LTF: variants seen among roughly 807,000 people sequenced by gnomAD.
LTF encodes the protein lactotransferrin.
Under a neutral mutation model 87.2 loss-of-function variants are expected in LTF, and 91 were observed. The ratio of observed to expected loss-of-function variants is 1.04; its 90% CI spans 0.88 to 1.24. LTF has a LOEUF of 1.24. Ranked by LOEUF, LTF falls within the 50% of genes most tolerant of loss-of-function variation. The pLI is 0.00. For synonymous variants in LTF, 378 were observed against 356.1 expected (o/e 1.06, Z -0.69); for missense variants, 901 against 904.3 (o/e 1.00, Z 0.05).
At chr3:46,471,811 CA>C (rs1471946289) in intron 1 of LTF, among the ~76,000 whole-genome samples, 1 of 152,200 alleles carries the variant, frequency 6.6e-6, no homozygotes, top group East Asian at 1.9e-4. Flanking sequence ...CCTACAGCCC[CA>C]TCAGCTTCTA....
intron 1 of LTF, chr3:46,460,656 G>C: frequency 2.2e-6 from 1 of 450,398 alleles, no homozygotes; most frequent in South Asian, 1.6e-5. Context: ...CTAAGATCAG[G>C]AATGATGAGA....
chr3:46,437,880 C>G (rs1307087513), intron 16 of LTF, 60 bp downstream of exon 16: 2 of 1,444,522 alleles, frequency 1.4e-6, no homozygotes, highest in African/African-American at 2.9e-5. Flanking sequence ...CTGTTTGGCC[C>G]TCAAACCTTG....
intron 2 of LTF, 68 bp from the exon 3 acceptor site, chr3:46,456,466 G>T: frequency 7.5e-7 from 1 of 1,324,772 alleles, no homozygotes; most frequent in Non-Finnish European, 1.1e-6. Flanking sequence ...GGGACTTCAG[G>T]ACCTCAAAAA....
At chr3:46,464,790 T>C in intron 1 of LTF, 35 bp downstream of exon 1, 2 of 1,611,952 alleles carry the variant, frequency 1.2e-6, no homozygotes, top group East Asian at 4.5e-5. Flanking sequence ...GAGACGCCCA[T>C]CAGGCGGCTC....
intron 10 of LTF, among the ~76,000 whole-genome samples, chr3:46,446,951 G>A (rs1243680310): frequency 6.6e-6 from 1 of 152,336 alleles, no homozygotes. Flanking sequence ...CGGGGGACAG[G>A]AGGACATAAG....
intron 1 of LTF, among the ~76,000 whole-genome samples, chr3:46,475,927 T>C (rs980322688): frequency 1.3e-5 from 2 of 152,250 alleles, no homozygotes; most frequent in African/African-American, 4.8e-5. Flanking sequence ...CTGAATTTTA[T>C]ATAAATGGAA....
chr3:46,449,377 C>G (rs1411259059), intron 8 of LTF, among the ~76,000 whole-genome samples: 1 of 152,134 alleles, frequency 6.6e-6, no homozygotes, highest in Non-Finnish European at 1.5e-5. Flanking sequence ...TGAGCCCAAC[C>G]CTGACTTCCC....
At chr3:46,474,470 A>T (rs989079729) in intron 1 of LTF, among the ~76,000 whole-genome samples, 2 of 152,196 alleles carry the variant, frequency 1.3e-5, no homozygotes, top group Non-Finnish European at 2.9e-5. Flanking sequence ...GAAAAATCTG[A>T]TAGAACTAGA....
intron 6 of LTF, among the ~76,000 whole-genome samples, chr3:46,452,674 C>T (rs551251111): frequency 4.6e-5 from 7 of 152,144 alleles, no homozygotes; most frequent in Non-Finnish European, 8.8e-5. Context: ...AGAAAAAATG[C>T]AAATACACCA....
chr3:46,456,447 C>G (rs758715385), intron 2 of LTF, 49 bp from the exon 3 acceptor site: 1 of 1,506,396 alleles, frequency 6.6e-7, no homozygotes, highest in Non-Finnish European at 9.2e-7. Flanking sequence ...TCACCCAAAC[C>G]CAGCAAGTGG....
chr3:46,462,657 G>T (rs1396979693), intron 1 of LTF, among the ~76,000 whole-genome samples: 3 of 152,198 alleles, frequency 2.0e-5, no homozygotes, highest in Non-Finnish European at 4.4e-5. Context: ...ATGCAGTGAA[G>T]CTGTGACTCA....
rs770224169 is a variant in LTF, at chr3:46,449,974, C to A, written c.937G>T (p.Gly313Trp). The A allele has an allele frequency of 1.2e-6, 2 of 1,612,692 alleles. No individual in the cohort carries two copies. The highest frequency in any genetic ancestry group is 2.2e-5 in the South Asian group (2 of 90,730). The change falls in exon 8 of 17, where the codon GGG becomes TGG. Residue 313 changes from glycine (G) to tryptophan (W), a missense_variant. Gly to Trp is a radical substitution (Grantham distance 184, BLOSUM62 -2). Coordinates refer to ENST00000231751, the MANE Select transcript of LTF (RefSeq NM_002343.6). ...PKFQLFGSPS[G>W]QKDLLFKDSA... Reference sequence around the variant, plus strand: ...TCCTTGAACAGCAGATCTTTCTGCCCACTAGGGGAGCCAAAGAGCTGGAAT... The same window carrying A: ...TCCTTGAACAGCAGATCTTTCTGCCAACTAGGGGAGCCAAAGAGCTGGAAT...
At chr3:46,447,064 A>G (rs1287235843) in intron 10 of LTF, among the ~76,000 whole-genome samples, 1 of 152,184 alleles carries the variant, frequency 6.6e-6, no homozygotes, top group East Asian at 1.9e-4. Flanking sequence ...TTCTGTTTGT[A>G]TGTTATAATT....
intron 12 of LTF, 83 bp downstream of exon 12, chr3:46,445,198 T>G: frequency 7.3e-7 from 1 of 1,365,052 alleles, no homozygotes; most frequent in South Asian, 1.4e-5. Context: ...GCAAATCCCC[T>G]CCCCTCCCTT....
chr3:46,465,048 A>T, upstream of LTF: 1 of 648,008 alleles, frequency 1.5e-6, no homozygotes, highest in South Asian at 1.7e-5. Flanking sequence ...CTGAGGCAGG[A>T]CAGGACTCCA....
intron 16 of LTF, among the ~76,000 whole-genome samples, chr3:46,436,662 C>T (rs945291192): frequency 2.6e-5 from 4 of 152,210 alleles, no homozygotes; most frequent in Non-Finnish European, 5.9e-5. Context: ...GGGGACACAG[C>T]ATGGATAGAC....
At chr3:46,459,864 G>A in intron 1 of LTF, 45 bp from the exon 2 acceptor site, 1 of 1,429,052 alleles carries the variant, frequency 7.0e-7, no homozygotes, top group Non-Finnish European at 9.2e-7. Flanking sequence ...CACTGACTGA[G>A]GGCGTGACCA....
At chr3:46,469,217 G>C (rs994245997), upstream of LTF, among the ~76,000 whole-genome samples, 1 of 152,232 alleles carries the variant, frequency 6.6e-6, no homozygotes, top group East Asian at 1.9e-4. Context: ...CAGTGAGTGA[G>C]ATACAACTGC....
intron 10 of LTF, among the ~76,000 whole-genome samples, chr3:46,446,997 G>A (rs743658): frequency 0.079 from 11,990 of 152,198 alleles, 699 homozygotes; most frequent in African/African-American, 0.15. Flanking sequence ...TTCTGGGCCC[G>A]AGAGCATGGA....
Sources: gnomAD v4.1 joint callset for allele counts (sites outside exome capture counted in the v4.1 genomes callset) on GRCh38, gnomAD v4.1.1 for gene constraint, MANE v1.5 for transcripts, NCBI Gene and HGNC (gene_info 2026-07-23, HGNC 2026-07-21) for gene names.